NDUFS4: variants seen among roughly 807,000 people sequenced by gnomAD.
NDUFS4 encodes NADH dehydrogenase [ubiquinone] iron-sulfur protein 4, mitochondrial.
NDUFS4 carries 28 observed loss-of-function variants against 24.3 expected under a neutral mutation model. That is an observed-to-expected ratio of 1.15 (90% CI 0.85 to 1.58). NDUFS4 has a LOEUF of 1.58. NDUFS4 is among the 40% of genes most tolerant of loss of function. The pLI, the probability that NDUFS4 is intolerant of heterozygous loss-of-function variation, is 0.00. For synonymous variants in NDUFS4, 93 were observed against 69.7 expected, an observed-to-expected ratio of 1.34 and a Z score of -1.67; for missense variants, 223 against 207.9, an observed-to-expected ratio of 1.07 and a Z score of -0.45.
chr5:53,645,870 A>G (rs1751844519), intron 2 of NDUFS4, among the ~76,000 whole-genome samples: 1 of 152,020 alleles, frequency 6.6e-6, no homozygotes, highest in African/African-American at 2.4e-5. Context: ...TTTCCTTTGT[A>G]TTTTTTCTCC....
intron 2 of NDUFS4, among the ~76,000 whole-genome samples, chr5:53,632,242 T>G (rs1751430778): frequency 1.3e-5 from 2 of 152,244 alleles, no homozygotes; most frequent in African/African-American, 4.8e-5. Context: ...TGGATTTTAC[T>G]GTCTTCCTTT....
In NDUFS4 at chr5:53,583,872, C is replaced by T. The variant is rs530002136; in HGVS notation, c.99-19580C>T. Among the ~76,000 whole-genome samples the T allele has an allele frequency of 2.0e-5, 3 of 152,238 alleles. No individual in the cohort carries two copies. The East Asian group carries it at 5.8e-4, about 29-fold the overall frequency. Reference sequence around the variant, plus strand: ...TACATTTAAAAGTTGCCAAGTGTTGCCAACCGTGGTTGCCAAGACTGTACT... The same window carrying T: ...TACATTTAAAAGTTGCCAAGTGTTGTCAACCGTGGTTGCCAAGACTGTACT... On this transcript the variant is annotated intron_variant, in intron 1 of 4. Transcript: ENST00000296684.
At chr5:53,655,897 A>G (rs900860126) in intron 3 of NDUFS4, among the ~76,000 whole-genome samples, 1 of 152,144 alleles carries the variant, frequency 6.6e-6, no homozygotes, top group Non-Finnish European at 1.5e-5. Context: ...CTTCAGACTC[A>G]GTCTCCCCTG....
chr5:53,581,767 A>G (rs961265113), intron 1 of NDUFS4, among the ~76,000 whole-genome samples: 4 of 152,106 alleles, frequency 2.6e-5, no homozygotes, highest in Non-Finnish European at 4.4e-5. Flanking sequence ...CTCTTACCTC[A>G]TCATGTTTTT....
intron 2 of NDUFS4, among the ~76,000 whole-genome samples, chr5:53,641,993 C>T (rs1751718226): frequency 6.6e-6 from 1 of 152,038 alleles, no homozygotes; most frequent in African/African-American, 2.4e-5. Context: ...AGCATTGATC[C>T]ATACTAACAT....
chr5:53,630,880 T>C (rs907782726), intron 2 of NDUFS4, among the ~76,000 whole-genome samples: 2 of 152,216 alleles, frequency 1.3e-5, no homozygotes, highest in African/African-American at 4.8e-5. Context: ...AGCCTACTTC[T>C]GTCAATTTGT....
intron 2 of NDUFS4, among the ~76,000 whole-genome samples, chr5:53,628,774 T>A (rs988802485): frequency 3.3e-5 from 5 of 152,138 alleles, no homozygotes; most frequent in African/African-American, 9.7e-5. Flanking sequence ...CTCTTCTTTG[T>A]TAGTCTTGCT....
chr5:53,564,537 G>A (rs1748957090), intron 1 of NDUFS4, among the ~76,000 whole-genome samples: 1 of 152,096 alleles, frequency 6.6e-6, no homozygotes, highest in Non-Finnish European at 1.5e-5. Flanking sequence ...ATTTTTGTTA[G>A]GAAAATAATT....
rs778074212 is a variant in NDUFS4, at chr5:53,658,554, T to C, written c.354T>C (p.Ala118=). 2 of 1,613,130 alleles carry C rather than the reference T, an allele frequency of 1.2e-6. No homozygotes were observed. Among genetic ancestry groups the C allele is most frequent in the Non-Finnish European group, 1.7e-6 (2 of 1,179,320 alleles). The part of the protein sequence containing the change: ...ENPLMGWAST[A]DPLSNMVLTF... ...GAAAAAAATTTGTTTCTTACAGGGC[T>C]GATCCCTTATCCAACATGGTTCTAA... The change falls in exon 4 of 5, where the codon GCT becomes GCC. Residue 118 remains alanine, a synonymous_variant. Transcript: ENST00000296684.
At chr5:53,680,646 G>A (rs1579951395) in intron 4 of NDUFS4, among the ~76,000 whole-genome samples, 1 of 151,714 alleles carries the variant, frequency 6.6e-6, no homozygotes, top group East Asian at 1.9e-4. Context: ...ATTGAACAAT[G>A]AGAACACATG....
At chr5:53,621,459 G>C (rs1751030328) in intron 2 of NDUFS4, among the ~76,000 whole-genome samples, 2 of 151,776 alleles carry the variant, frequency 1.3e-5, no homozygotes, top group Admixed American at 6.6e-5. Flanking sequence ...CTTGCTGCTT[G>C]TTTTCTATTT....
chr5:53,566,849 ATT>A (rs34167752), intron 1 of NDUFS4, among the ~76,000 whole-genome samples: 23 of 136,582 alleles, frequency 1.7e-4, no homozygotes, highest in South Asian at 2.3e-4. Flanking sequence ...ACCGCCAAGT[ATT>A]TTTTTTTTTT....
intron 2 of NDUFS4, among the ~76,000 whole-genome samples, chr5:53,625,935 G>T (rs770634117): frequency 6.6e-6 from 1 of 151,988 alleles, no homozygotes; most frequent in Non-Finnish European, 1.5e-5. Context: ...TGTGCACAAC[G>T]TGCAGGTCTG....
In NDUFS4 at chr5:53,646,986, T is replaced by A. The variant is rs146908040; in HGVS notation, c.350+581T>A. On this transcript the variant is annotated intron_variant, in intron 3 of 4. Transcript: ENST00000296684. Reference sequence around the variant, plus strand: ...TCCCCCCTCAGATAAGGGGGAATACTGTTTTATCCAAGATACTGTAAGAAT... The same window carrying A: ...TCCCCCCTCAGATAAGGGGGAATACAGTTTTATCCAAGATACTGTAAGAAT... Among the ~76,000 whole-genome samples, 644 of 152,114 alleles carry A rather than the reference T, an allele frequency of 4.2e-3. 1 individual carries two copies. The highest frequency in any genetic ancestry group is 7.7e-3 in the Non-Finnish European group (526 of 67,976).
intron 1 of NDUFS4, among the ~76,000 whole-genome samples, chr5:53,599,231 TTGGTGTA>T (rs1445178855): frequency 6.6e-6 from 1 of 151,614 alleles, no homozygotes; most frequent in Non-Finnish European, 1.5e-5. Context: ...GCTATAAACA[TTGGTGTA>T]CAAATATTTA....
At chr5:53,587,491 A>G (rs1041153635) in intron 1 of NDUFS4, among the ~76,000 whole-genome samples, 1 of 152,186 alleles carries the variant, frequency 6.6e-6, no homozygotes, top group Non-Finnish European at 1.5e-5. Flanking sequence ...ATATTTGAGT[A>G]TGTATAGATT....
intron 4 of NDUFS4, among the ~76,000 whole-genome samples, chr5:53,663,848 G>C (rs1180996710): frequency 6.6e-6 from 1 of 152,060 alleles, no homozygotes; most frequent in Non-Finnish European, 1.5e-5. Flanking sequence ...GGTTAATATT[G>C]TTATGTGTGA....
intron 2 of NDUFS4, among the ~76,000 whole-genome samples, chr5:53,607,074 G>GTCTTC (rs1750541307): frequency 6.6e-6 from 1 of 152,122 alleles, no homozygotes; most frequent in African/African-American, 2.4e-5. Flanking sequence ...CAATACAGAA[G>GTCTTC]GCACAGATAT....
In NDUFS4 at chr5:53,581,888, C is replaced by T. The variant is rs1021376147; in HGVS notation, c.98+21128C>T. The stretch of plus-strand genomic sequence containing the variant: ...ATCATCACATTTCTAAATAAAGGCC[C>T]AAGCATTTCTAATATTAATCATTAA... On this transcript the variant is annotated intron_variant, in intron 1 of 4. Transcript: ENST00000296684. Among the ~76,000 whole-genome samples, 41 of 152,118 alleles carry T rather than the reference C, an allele frequency of 2.7e-4. 1 individual carries two copies. Among genetic ancestry groups the T allele is most frequent in the African/African-American group, 9.9e-4 (41 of 41,412 alleles).
Sources: gnomAD v4.1 joint callset for allele counts (sites outside exome capture counted in the v4.1 genomes callset) on GRCh38, gnomAD v4.1.1 for gene constraint, MANE v1.5 for transcripts, NCBI Gene and HGNC (gene_info 2026-07-23, HGNC 2026-07-21) for gene names.